Variants in TREML4 observed in about 807,000 individuals in gnomAD.
TREML4 encodes triggering receptor expressed on myeloid cells like 4.
TREML4 carries 25 observed loss-of-function variants against 25.4 expected under a neutral mutation model. The observed-to-expected ratio is 0.98, with a 90% confidence interval of 0.72 to 1.37. The LOEUF (loss-of-function observed/expected upper bound fraction) is 1.37, where lower values mean the gene tolerates loss of function less well. Ranked by LOEUF, TREML4 falls within the 40% of genes most tolerant of loss-of-function variation. The pLI, the probability that TREML4 is intolerant of heterozygous loss-of-function variation, is 0.00. For synonymous variants in TREML4, 92 were observed against 87.9 expected, an observed-to-expected ratio of 1.05 and a Z score of -0.26; for missense variants, 268 against 236.5, an observed-to-expected ratio of 1.13 and a Z score of -0.87.
At chr6:41,235,339 G>T (rs1452182927) in intron 4 of TREML4, among the ~76,000 whole-genome samples, 1 of 152,062 alleles carries the variant, frequency 6.6e-6, no homozygotes, top group Non-Finnish European at 1.5e-5. Context: ...AATGCTTGAA[G>T]GAAAGGAAAA....
rs1377660911 is a variant in TREML4, at chr6:41,228,383, C to T, written c.-45C>T. 2.7e-6 allele frequency: 4 copies of T among 1,509,190 alleles called. No homozygotes were observed. Among genetic ancestry groups the T allele is most frequent in the Middle Eastern group, 1.7e-4 (1 of 5,772 alleles). 93.5% of individuals were successfully genotyped at this position (1,509,190 alleles called of 1,614,324 possible). A position where few individuals can be genotyped will look rare whatever the true frequency, so the allele number is the denominator to read the frequency against. ...GTCTGACTCCTCCTGAGAGGGCTCCCTTTTTTCTCCTCTCCTCCGCTGTCA... is the reference window on the plus strand; with the variant it reads ...GTCTGACTCCTCCTGAGAGGGCTCCTTTTTTTCTCCTCTCCTCCGCTGTCA... On this transcript the variant is annotated 5_prime_UTR_variant, in exon 1 of 6. Transcript: ENST00000341495.
rs13204353 is a variant in TREML4 at position 41,237,497 on chromosome 6, G to A, written c.*478G>A. On this transcript the variant is annotated 3_prime_UTR_variant, in exon 6 of 6. Coordinates refer to ENST00000341495, the MANE Select transcript of TREML4 (RefSeq NM_198153.3). ...TTTGTTGCCTGTGGTCTGCCCTAGA[G>A]TCCTATGAATTTCCTCTTGTGCTTA... 48,475 of 152,126 alleles carry A rather than the reference G, an allele frequency of 0.32. 7,783 individuals carry two copies. The highest frequency in any genetic ancestry group is 0.4 in the East Asian group (2,052 of 5,166). The allele number at this position is 152,126 out of a possible 1,614,324, so 9.4% of individuals were successfully genotyped here. A position where few individuals can be genotyped will look rare whatever the true frequency, so the allele number is the denominator to read the frequency against.
chr6:41,232,323 C>A, intron 4 of TREML4: 1 of 397,094 alleles, frequency 2.5e-6, no homozygotes, highest in Non-Finnish European at 5.2e-6. Context: ...GTGTGCCCAG[C>A]ATCTTGGGAA....
intron 4 of TREML4, among the ~76,000 whole-genome samples, chr6:41,232,707 A>G (rs1766825960): frequency 6.6e-6 from 1 of 152,210 alleles, no homozygotes; most frequent in Non-Finnish European, 1.5e-5. Flanking sequence ...GCAGATGATC[A>G]GGCATTTGAT....
rs1236202747 is a variant in TREML4, at chr6:41,238,152, A to G, written c.*1133A>G. ...ACATCAAACAAAAGTCTCTTCGTGT[A>G]TATCTCAGCTCCTGCCACATGATCA... On this transcript the variant is annotated 3_prime_UTR_variant, in exon 6 of 6. Transcript: ENST00000341495. 2.0e-5 allele frequency: 3 copies of G among 152,202 alleles called. No homozygotes were observed. Among genetic ancestry groups the G allele is most frequent in the Non-Finnish European group, 4.4e-5 (3 of 68,026 alleles). 9.4% of individuals were successfully genotyped at this position (152,202 alleles called of 1,614,324 possible).
chr6:41,236,508 C>T lies in TREML4; in HGVS notation c.529C>T (p.Leu177Phe). Residue 177 changes from leucine (L) to phenylalanine (F), a missense_variant, in exon 5 of 6, where the codon CTT becomes TTT. Leu to Phe is a conservative substitution (Grantham distance 22). Transcript: ENST00000341495. ...CAGGAAATCAAGAGCCCCTGCCTGC[C>T]TTGGCTCAGGTGGCCCCAGATTCCT... ...ETRKSRAPAC[L>F]GSGGPRFLVL... is the part of the protein sequence containing the mutation. The T allele has an allele frequency of 1.9e-6, 3 of 1,614,138 alleles. No individual in the cohort carries two copies. Among genetic ancestry groups the T allele is most frequent in the Non-Finnish European group, 2.5e-6 (3 of 1,180,004 alleles).
At chr6:41,232,132 T>C (rs578185257) in intron 4 of TREML4, among the ~76,000 whole-genome samples, 2 of 152,342 alleles carry the variant, frequency 1.3e-5, no homozygotes, top group East Asian at 3.9e-4. Flanking sequence ...AAAAACTTTG[T>C]ATCCAGTGTT....
intron 2 of TREML4, 93 bp from the exon 3 acceptor site, chr6:41,229,428 G>C (rs1766742940): frequency 7.3e-7 from 1 of 1,373,096 alleles, no homozygotes; most frequent in South Asian, 1.2e-5. Flanking sequence ...CTGAGGGTCT[G>C]GCTCTGGGCC....
chr6:41,231,082 A>G, intron 4 of TREML4: 1 of 443,100 alleles, frequency 2.3e-6, no homozygotes, highest in African/African-American at 2.0e-5. Context: ...CCCAGATGGG[A>G]CCACCCAGTT....
chr6:41,230,039 T>C, intron 3 of TREML4, 23 bp from the exon 4 acceptor site: 3 of 1,597,110 alleles, frequency 1.9e-6, no homozygotes, highest in Non-Finnish European at 2.6e-6. Context: ...GGGCAGCCAC[T>C]GTCTTCTTTG....
chr6:41,235,538 T>C (rs1221793123), intron 4 of TREML4, among the ~76,000 whole-genome samples: 1 of 152,206 alleles, frequency 6.6e-6, no homozygotes, highest in Non-Finnish European at 1.5e-5. Context: ...GGAATAATCA[T>C]TTAGAAAAAT....
chr6:41,232,468 T>C (rs966070825), intron 4 of TREML4: 11 of 254,366 alleles, frequency 4.3e-5, no homozygotes, highest in African/African-American at 2.5e-4. Flanking sequence ...CACCAGAGAC[T>C]GGCTTCGCAG....
In TREML4 at chr6:41,236,512, G is replaced by T; in HGVS notation, c.533G>T (p.Gly178Val). The change falls in exon 5 of 6, where the codon GGC becomes GTC. Residue 178 changes from glycine (G) to valine (V), a missense_variant. Coordinates refer to ENST00000341495, the MANE Select transcript of TREML4 (RefSeq NM_198153.3). ...AAATCAAGAGCCCCTGCCTGCCTTG[G>T]CTCAGGTGGCCCCAGATTCCTGGTC... The part of the protein sequence containing the change: ...TRKSRAPACL[G>V]SGGPRFLVLV... 1.2e-6 allele frequency: 2 copies of T among 1,614,102 alleles called. No homozygotes were observed. The highest frequency in any genetic ancestry group is 1.7e-6 in the Non-Finnish European group (2 of 1,180,006).
In TREML4 at chr6:41,228,923, C is replaced by T. The variant is rs116224158; in HGVS notation, c.273C>T (p.Phe91=). ...YTIWDKPNAG[F]FNITMIQLTQ... Reference sequence around the variant, plus strand: ...TCTGGGACAAGCCCAATGCTGGCTTCTTCAACATCACCATGATTCAGCTGA... The same window carrying T: ...TCTGGGACAAGCCCAATGCTGGCTTTTTCAACATCACCATGATTCAGCTGA... The change falls in exon 2 of 6, where the codon TTC becomes TTT. Residue 91 remains phenylalanine, a synonymous_variant. Transcript: ENST00000341495. The T allele has an allele frequency of 9.4e-4, 1,517 of 1,614,158 alleles. 10 individuals carry two copies. In the African/African-American group the frequency reaches 0.018, roughly 19 times the overall value.
chr6:41,232,938 A>G (rs1458021014), intron 4 of TREML4, among the ~76,000 whole-genome samples: 1 of 152,190 alleles, frequency 6.6e-6, no homozygotes, highest in Non-Finnish European at 1.5e-5. Flanking sequence ...AGGAACTGGT[A>G]CTGGTCTGTG....
chr6:41,233,098 A>G (rs998460326), intron 4 of TREML4, among the ~76,000 whole-genome samples: 4 of 152,250 alleles, frequency 2.6e-5, no homozygotes, highest in Non-Finnish European at 5.9e-5. Context: ...GTACTAAATC[A>G]ATGTAGATAA....
In TREML4 at chr6:41,230,125, A is replaced by G. The variant is rs1461569463; in HGVS notation, c.506+3A>G. ...TCCATCAATGGCTCTGAGACCAGGT[A>G]GGTCAGAGGTTTTAACACTGGGAGG... is the stretch of plus-strand genomic sequence containing the variant. On this transcript the variant is annotated splice_donor_region_variant and intron_variant, in intron 4 of 5. Transcript: ENST00000341495. The G allele has an allele frequency of 6.2e-7, 1 of 1,607,126 alleles. No homozygotes were observed. Among genetic ancestry groups the G allele is most frequent in the Admixed American group, 1.7e-5 (1 of 60,020 alleles).
At chr6:41,231,200 A>T (rs1582116020) in intron 4 of TREML4, 1 of 292,492 alleles carries the variant, frequency 3.4e-6, no homozygotes, top group African/African-American at 2.2e-5. Context: ...GTGCACAATA[A>T]ATATAATGTG....
At chr6:41,231,073 C>A in intron 4 of TREML4, 1 of 436,028 alleles carries the variant, frequency 2.3e-6, no homozygotes, top group Non-Finnish European at 4.6e-6. Context: ...CCCATCACTC[C>A]CAGATGGGAC....
Sources: gnomAD v4.1 joint callset for allele counts (sites outside exome capture counted in the v4.1 genomes callset) on GRCh38, gnomAD v4.1.1 for gene constraint, MANE v1.5 for transcripts, NCBI Gene and HGNC (gene_info 2026-07-23, HGNC 2026-07-21) for gene names.